ATP8A1: variants seen among roughly 807,000 people sequenced by gnomAD.
ATP8A1 encodes the protein ATPase phospholipid transporting 8A1, also known as phospholipid-transporting ATPase IA.
ATP8A1 carries 90 observed loss-of-function variants against 177.7 expected under a neutral mutation model. The observed-to-expected ratio is 0.51, with a 90% confidence interval of 0.43 to 0.60. ATP8A1 has a LOEUF of 0.60. Among genes scored for constraint, ATP8A1 ranks in the 20% least tolerant of loss-of-function variants. The probability of loss-of-function intolerance (pLI) is 0.00; values close to 1 mark genes in which losing one functional copy is unlikely to be tolerated. For synonymous variants in ATP8A1, 493 were observed against 485.9 expected, an observed-to-expected ratio of 1.01 and a Z score of -0.19; for missense variants, 1,072 against 1,392.8, an observed-to-expected ratio of 0.77 and a Z score of 3.67.
rs73810762 is a variant in ATP8A1, at chr4:42,616,544, T to A, written c.364-466A>T. On this transcript the variant is annotated intron_variant, in intron 4 of 36. Coordinates refer to ENST00000381668, the MANE Select transcript of ATP8A1 (RefSeq NM_006095.2). Reference sequence around the variant, plus strand: ...TTGTTACCGAATTAAGCTGAGCACATCCTCTATAATTTAATGATATGCTGA... The same window carrying A: ...TTGTTACCGAATTAAGCTGAGCACAACCTCTATAATTTAATGATATGCTGA... 5.6e-3 allele frequency among the ~76,000 whole-genome samples: 858 copies of A among 152,242 alleles called. 9 individuals are homozygous for A. The highest frequency in any genetic ancestry group is 0.02 in the African/African-American group (825 of 41,544).
At chr4:42,575,523 T>C in intron 13 of ATP8A1, 99 bp downstream of exon 13, 1 of 907,900 alleles carries the variant, frequency 1.1e-6, no homozygotes, top group South Asian at 1.5e-5. Context: ...AGTGGAAAAT[T>C]AAAAGCTGTC....
rs552094246 is a variant in ATP8A1, at chr4:42,511,173, T to C, written c.1948-4019A>G. On this transcript the variant is annotated intron_variant, in intron 22 of 36. Transcript: ENST00000381668. ...CCTTTCCTTTTGCCCTGGTATCATT[T>C]ATGGTGAGATCAGAATCTTGAGTGA... Among the ~76,000 whole-genome samples the C allele has an allele frequency of 1.1e-4, 16 of 152,302 alleles. No homozygotes were observed. In the East Asian group the frequency reaches 2.7e-3, roughly 26 times the overall value.
chr4:42,612,579 G>A (rs1227597102), intron 5 of ATP8A1, among the ~76,000 whole-genome samples: 2 of 151,338 alleles, frequency 1.3e-5, no homozygotes, highest in Non-Finnish European at 2.9e-5. Context: ...CTAGGTTGTT[G>A]GAAAACAGTA....
intron 15 of ATP8A1, chr4:42,561,504 C>T (rs1730828724): frequency 6.6e-6 from 1 of 152,332 alleles, no homozygotes; most frequent in Admixed American, 6.5e-5. Context: ...CAGTGATGGC[C>T]CACTCACAAC....
chr4:42,444,986 ACTTTAC>A (rs1300139757), intron 31 of ATP8A1, among the ~76,000 whole-genome samples: 14 of 152,248 alleles, frequency 9.2e-5, no homozygotes, highest in Non-Finnish European at 1.9e-4. Flanking sequence ...TTTCAAGCTT[ACTTTAC>A]CTTTATTTTA....
intron 27 of ATP8A1, among the ~76,000 whole-genome samples, chr4:42,464,263 A>C (rs796105347): frequency 5.0e-5 from 7 of 141,130 alleles, no homozygotes; most frequent in African/African-American, 1.8e-4. Context: ...ATGGCTGACA[A>C]ACTTTTTTTT....
intron 15 of ATP8A1, among the ~76,000 whole-genome samples, chr4:42,567,336 T>C (rs1341617387): frequency 1.3e-5 from 2 of 152,074 alleles, no homozygotes; most frequent in Non-Finnish European, 2.9e-5. Context: ...GTCAGGAGTT[T>C]AAGACTAGCC....
At chr4:42,430,065 GT>G (rs761921767) in intron 33 of ATP8A1, among the ~76,000 whole-genome samples, 1 of 151,930 alleles carries the variant, frequency 6.6e-6, no homozygotes, top group Non-Finnish European at 1.5e-5. Flanking sequence ...GCACAATAAT[GT>G]GAATACGCTT....
chr4:42,576,672 C>T (rs1474543295), intron 12 of ATP8A1, among the ~76,000 whole-genome samples: 1 of 151,976 alleles, frequency 6.6e-6, no homozygotes, highest in African/African-American at 2.4e-5. Context: ...AAATTCAAAG[C>T]CCATCTCTCC....
rs79422927 is a variant in ATP8A1, at chr4:42,585,296, A to G, written c.722+1053T>C. 7.2e-5 allele frequency among the ~76,000 whole-genome samples: 11 copies of G among 152,028 alleles called. No homozygotes were observed. In the East Asian group the frequency reaches 1.5e-3, roughly 21 times the overall value. On this transcript the variant is annotated intron_variant, in intron 9 of 36. Coordinates refer to ENST00000381668, the MANE Select transcript of ATP8A1 (RefSeq NM_006095.2). The stretch of plus-strand genomic sequence containing the variant: ...CAAAGCATTTATCACTTTCTAACAT[A>G]GTATAAACTTCTTATTTATCATCTT...
intron 12 of ATP8A1, among the ~76,000 whole-genome samples, chr4:42,576,428 A>G (rs1185117029): frequency 1.5e-5 from 2 of 131,042 alleles, no homozygotes; most frequent in Non-Finnish European, 3.1e-5. Context: ...GTGAGCCTAG[A>G]TCGCGCCACT....
intron 2 of ATP8A1, chr4:42,626,303 G>T (rs1738071005): frequency 6.6e-6 from 1 of 152,220 alleles, no homozygotes; most frequent in Non-Finnish European, 1.5e-5. Flanking sequence ...TTATCAAATA[G>T]AAAGGAGATT....
intron 17 of ATP8A1, among the ~76,000 whole-genome samples, chr4:42,552,014 A>C (rs1340441390): frequency 6.6e-6 from 1 of 152,222 alleles, no homozygotes; most frequent in East Asian, 1.9e-4. Flanking sequence ...ATAATATTTT[A>C]TGGAATCCCT....
At chr4:42,513,939 T>C (rs1725262253) in intron 22 of ATP8A1, among the ~76,000 whole-genome samples, 1 of 152,218 alleles carries the variant, frequency 6.6e-6, no homozygotes, top group Non-Finnish European at 1.5e-5. Context: ...CTCAGAGGCA[T>C]TCTACAACAC....
intron 1 of ATP8A1, among the ~76,000 whole-genome samples, chr4:42,636,171 C>T (rs911567829): frequency 1.5e-5 from 2 of 136,898 alleles, no homozygotes; most frequent in African/African-American, 5.6e-5. Context: ...CACACACACA[C>T]ATAAGCTTCT....
chr4:42,436,801 C>T (rs1212076924), intron 33 of ATP8A1, among the ~76,000 whole-genome samples: 3 of 152,136 alleles, frequency 2.0e-5, no homozygotes, highest in Admixed American at 1.3e-4. Flanking sequence ...TTACCACATG[C>T]TACGGAGGTA....
intron 1 of ATP8A1, among the ~76,000 whole-genome samples, chr4:42,649,337 T>A (rs1222087700): frequency 1.3e-5 from 2 of 152,164 alleles, no homozygotes; most frequent in Non-Finnish European, 2.9e-5. Flanking sequence ...GGCACAGATA[T>A]CCATAAAATT....
intron 5 of ATP8A1, among the ~76,000 whole-genome samples, chr4:42,601,124 C>T (rs576090477): frequency 2.0e-5 from 3 of 151,172 alleles, no homozygotes; most frequent in Admixed American, 6.6e-5. Flanking sequence ...CAACCTCCGC[C>T]TCCCAGGTTC....
At chr4:42,581,807 A>G (rs1560484550) in intron 9 of ATP8A1, 75 bp from the exon 10 acceptor site, 2 of 1,010,618 alleles carry the variant, frequency 2.0e-6, no homozygotes, top group African/African-American at 3.2e-5. Flanking sequence ...ATATAGTTAC[A>G]AAAGTACCCA....
Sources: gnomAD v4.1 joint callset for allele counts (sites outside exome capture counted in the v4.1 genomes callset) on GRCh38, gnomAD v4.1.1 for gene constraint, MANE v1.5 for transcripts, NCBI Gene and HGNC (gene_info 2026-07-23, HGNC 2026-07-21) for gene names.